Variants in MGLL observed in about 807,000 individuals in gnomAD.
MGLL encodes lysophospholipase homolog.
A neutral mutation model predicts 29.1 loss-of-function variants in MGLL; 7 were observed. That is an observed-to-expected ratio of 0.24 (90% CI 0.14 to 0.45). The LOEUF (loss-of-function observed/expected upper bound fraction) is 0.45. Ranked by LOEUF, MGLL falls within the 20% of genes least tolerant of loss-of-function variation. The probability of loss-of-function intolerance (pLI) is 0.99; values close to 1 mark genes in which losing one functional copy is unlikely to be tolerated. For missense variants in MGLL, 356 were observed against 413.6 expected, an observed-to-expected ratio of 0.86 and a Z score of 1.21; for synonymous variants, 148 against 168.3, an observed-to-expected ratio of 0.88 and a Z score of 0.93.
At chr3:127,781,749 C>T (rs2077129048) in intron 3 of MGLL, 40 bp downstream of exon 3, 3 of 1,576,142 alleles carry the variant, frequency 1.9e-6, no homozygotes, top group Non-Finnish European at 2.6e-6. Context: ...TCCAAATTGT[C>T]AGGGCCCAGC....
chr3:127,720,296 C>T (rs1405976580), intron 5 of MGLL, among the ~76,000 whole-genome samples: 3 of 152,202 alleles, frequency 2.0e-5, no homozygotes, highest in African/African-American at 4.8e-5. Context: ...CTTGTGGATA[C>T]GTGGGGTTGG....
intron 7 of MGLL, 122 bp from the exon 8 acceptor site, chr3:127,692,445 A>G (rs1352973733): frequency 3.9e-6 from 5 of 1,297,406 alleles, no homozygotes; most frequent in Non-Finnish European, 4.3e-6. Flanking sequence ...ATGCCCGAGG[A>G]CCTGGCCCTG....
At chr3:127,738,062 A>G (rs1300360240) in intron 3 of MGLL, among the ~76,000 whole-genome samples, 1 of 152,046 alleles carries the variant, frequency 6.6e-6, no homozygotes, top group East Asian at 1.9e-4. Flanking sequence ...GCACTTTGGG[A>G]GGCCAAGGTG....
chr3:127,743,166 C>T (rs1051725816), intron 3 of MGLL, among the ~76,000 whole-genome samples: 1 of 152,184 alleles, frequency 6.6e-6, no homozygotes, highest in Non-Finnish European at 1.5e-5. Flanking sequence ...AAAGCCAGCT[C>T]AGTGGCCACC....
At chr3:127,771,745 A>G (rs943935396) in intron 3 of MGLL, among the ~76,000 whole-genome samples, 3 of 152,222 alleles carry the variant, frequency 2.0e-5, no homozygotes, top group African/African-American at 7.2e-5. Flanking sequence ...ACTTAGTGCC[A>G]CACTTACCAT....
chr3:127,815,688 T>C (rs2077742027), intron 2 of MGLL, among the ~76,000 whole-genome samples: 1 of 152,136 alleles, frequency 6.6e-6, no homozygotes, highest in African/African-American at 2.4e-5. Context: ...GAAGGGCAAG[T>C]AGGAGCTGCG....
chr3:127,791,028 G>A (rs968743904), intron 2 of MGLL, among the ~76,000 whole-genome samples: 11 of 152,184 alleles, frequency 7.2e-5, no homozygotes, highest in Admixed American at 3.3e-4. Flanking sequence ...GACTGCAGCT[G>A]AGGTTGTGCT....
intron 6 of MGLL, among the ~76,000 whole-genome samples, chr3:127,697,462 C>T (rs764942446): frequency 6.6e-5 from 10 of 152,272 alleles, no homozygotes; most frequent in Non-Finnish European, 1.2e-4. Flanking sequence ...CTCTCCACTA[C>T]ACAGAGGAGG....
Position 127,761,769 on chromosome 3 carries a change from G to A in MGLL, c.262+20020C>T, listed in dbSNP as rs1468480560. ...TCCTCGCTTCATCGGCCGGGCCCTTGGGACCCCAGCTCTTCAGGGAGGGAC... is the reference window on the plus strand; with the variant it reads ...TCCTCGCTTCATCGGCCGGGCCCTTAGGACCCCAGCTCTTCAGGGAGGGAC... On this transcript the variant is annotated intron_variant, in intron 3 of 7. Coordinates refer to ENST00000265052, the MANE Select transcript of MGLL (RefSeq NM_007283.7). The surrounding 1 kb of genome is among the most constrained non-coding windows in gnomAD (Gnocchi z 4.6). Among the ~76,000 whole-genome samples the A allele has an allele frequency of 6.6e-6, 1 of 152,134 alleles. No homozygotes were observed.
At chr3:127,802,155 G>A (rs1028643730) in intron 2 of MGLL, among the ~76,000 whole-genome samples, 1 of 152,138 alleles carries the variant, frequency 6.6e-6, no homozygotes, top group Non-Finnish European at 1.5e-5. Flanking sequence ...AGGAGACAGG[G>A]GACATCCGCT....
At chr3:127,767,723 A>T (rs2076883096) in intron 3 of MGLL, among the ~76,000 whole-genome samples, 2 of 152,254 alleles carry the variant, frequency 1.3e-5, no homozygotes, top group African/African-American at 4.8e-5. Context: ...ATAGTCTCAG[A>T]ATGATGCTTT....
At chr3:127,804,762 T>C (rs2077536645) in intron 2 of MGLL, among the ~76,000 whole-genome samples, 2 of 152,174 alleles carry the variant, frequency 1.3e-5, no homozygotes, top group African/African-American at 4.8e-5. Flanking sequence ...ATGGTAATAG[T>C]TGGGCCAGGC....
intron 3 of MGLL, chr3:127,736,277 G>T (rs2076241006): frequency 1.0e-6 from 1 of 985,708 alleles, no homozygotes; most frequent in Non-Finnish European, 1.2e-6. Flanking sequence ...TAGGATGTGA[G>T]ATACTATATT....
intron 3 of MGLL, among the ~76,000 whole-genome samples, chr3:127,741,097 C>T (rs891636637): frequency 2.0e-5 from 3 of 152,260 alleles, no homozygotes; most frequent in Admixed American, 2.0e-4. Flanking sequence ...GGCCAGGTGC[C>T]TGAGCTCAGC....
At chr3:127,699,952 A>G (rs1183436426) in intron 6 of MGLL, among the ~76,000 whole-genome samples, 1 of 152,168 alleles carries the variant, frequency 6.6e-6, no homozygotes, top group Non-Finnish European at 1.5e-5. Flanking sequence ...AGCAGGCTTC[A>G]TCCCTGTAGA....
At chr3:127,709,194 A>T (rs2075662146) in intron 6 of MGLL, among the ~76,000 whole-genome samples, 1 of 152,234 alleles carries the variant, frequency 6.6e-6, no homozygotes, top group Non-Finnish European at 1.5e-5. Context: ...CTTTATTCAG[A>T]TATTCTTTCA....
intron 6 of MGLL, among the ~76,000 whole-genome samples, chr3:127,696,396 CTTTTTTTTTTTTTTTTTTTTTTTT>C (rs545853423): frequency 2.0e-5 from 1 of 49,346 alleles, no homozygotes; most frequent in Non-Finnish European, 4.0e-5. Context: ...CCTGATGCTT[CTTTTTTTTTTTTTTTTTTTTTTTT>C]TTTTTTTTTT....
At position 127,695,207 on chromosome 3, in the gene MGLL, AG is replaced by A. The variant is rs772586072; in HGVS notation, c.601-18del. ...AATGTCGACCTGGAGGAAGAAGGAG[AG>A]GGTTCCATCAGCATGGGCAGGGCTC... On this transcript the variant is annotated intron_variant, in intron 6 of 7. Coordinates refer to ENST00000265052, the MANE Select transcript of MGLL (RefSeq NM_007283.7). 3 of 1,610,444 alleles carry A rather than the reference AG, an allele frequency of 1.9e-6. No individual in the cohort carries two copies. In the South Asian group the frequency reaches 3.3e-5, roughly 18 times the overall value.
intron 7 of MGLL, among the ~76,000 whole-genome samples, chr3:127,692,997 C>G (rs2075276656): frequency 6.6e-6 from 1 of 152,174 alleles, no homozygotes; most frequent in Non-Finnish European, 1.5e-5. Flanking sequence ...AAAATCCATC[C>G]TGGGCTGATG....
Sources: gnomAD v4.1 joint callset for allele counts (sites outside exome capture counted in the v4.1 genomes callset) on GRCh38, gnomAD v4.1.1 for gene constraint, Gnocchi (gnomAD v3.1) non-coding constraint, MANE v1.5 for transcripts, NCBI Gene and HGNC (gene_info 2026-07-23, HGNC 2026-07-21) for gene names.